The following DOCK9 variants were observed in gnomAD, a reference collection of about 807,000 sequenced individuals.
DOCK9 encodes dedicator of cytokinesis 9.
Under a neutral mutation model 263.3 loss-of-function variants are expected in DOCK9, and 89 were observed. That is an observed-to-expected ratio of 0.34 (90% CI 0.28 to 0.40). DOCK9 has a LOEUF of 0.40. Among genes scored for constraint, DOCK9 ranks in the 10% least tolerant of loss-of-function variants. The probability of loss-of-function intolerance (pLI) is 1.00; values close to 1 mark genes in which losing one functional copy is unlikely to be tolerated. For synonymous variants in DOCK9, 976 were observed against 973.1 expected (o/e 1.00, Z -0.06); for missense variants, 2,140 against 2,603.4 (o/e 0.82, Z 3.87).
At chr13:98,971,178 A>T (rs2059692657) in intron 1 of DOCK9, among the ~76,000 whole-genome samples, 1 of 152,148 alleles carries the variant, frequency 6.6e-6, no homozygotes, top group South Asian at 2.1e-4. Flanking sequence ...TGATCTGCAG[A>T]GATTGAGAGG....
intron 13 of DOCK9, 102 bp from the exon 14 acceptor site, chr13:98,898,363 A>G (rs902941844): frequency 1.2e-6 from 1 of 801,736 alleles, no homozygotes; most frequent in Non-Finnish European, 2.1e-6. Flanking sequence ...TCCTTACCAT[A>G]GCATTGGATG....
At chr13:98,797,050 T>C (rs2089506303) in intron 52 of DOCK9, 65 bp downstream of exon 52, 1 of 1,585,916 alleles carries the variant, frequency 6.3e-7, no homozygotes, top group Admixed American at 1.7e-5. Context: ...GCCTAAGTCA[T>C]GATAGGGTGT....
At chr13:98,849,463 C>G (rs1304532958) in intron 36 of DOCK9, among the ~76,000 whole-genome samples, 1 of 149,940 alleles carries the variant, frequency 6.7e-6, no homozygotes, top group East Asian at 1.9e-4. Context: ...TAGAGAGATG[C>G]TGCTGGGATG....
chr13:99,072,924 G>A (rs769196316), intron 1 of DOCK9, among the ~76,000 whole-genome samples: 3 of 152,098 alleles, frequency 2.0e-5, no homozygotes, highest in Non-Finnish European at 4.4e-5. Context: ...GCTTGAGCCC[G>A]GGAGGTCAAG....
At chr13:98,868,948 G>A (rs2094120112) in intron 27 of DOCK9, among the ~76,000 whole-genome samples, 1 of 152,192 alleles carries the variant, frequency 6.6e-6, no homozygotes, top group Non-Finnish European at 1.5e-5. Flanking sequence ...TGGAGCTTCT[G>A]CATCCATTCC....
chr13:98,902,640 G>T (rs373645516), intron 11 of DOCK9, 149 bp from the exon 12 acceptor site: 3 of 760,750 alleles, frequency 3.9e-6, no homozygotes, highest in East Asian at 2.7e-5. Context: ...CAGAGAATTA[G>T]CTTATAAAAC....
At chr13:98,845,240 A>G in intron 38 of DOCK9, 1 of 929,114 alleles carries the variant, frequency 1.1e-6, no homozygotes, top group Admixed American at 3.0e-5. Context: ...AGAAAGCCCC[A>G]AAGTTAGGAA....
At chr13:98,965,148 G>A (rs1567117394) in intron 1 of DOCK9, among the ~76,000 whole-genome samples, 1 of 152,114 alleles carries the variant, frequency 6.6e-6, no homozygotes, top group East Asian at 1.9e-4. Context: ...CAGTAAGAAG[G>A]GCCCTCAGGA....
intron 49 of DOCK9, among the ~76,000 whole-genome samples, chr13:98,804,651 G>C (rs138261673): frequency 0.013 from 1,907 of 152,314 alleles, 17 homozygotes; most frequent in Non-Finnish European, 0.019. Context: ...CGGAGACCCA[G>C]GACTGGGTGT....
At chr13:99,021,082 T>C (rs1886033855) in intron 1 of DOCK9, among the ~76,000 whole-genome samples, 1 of 152,258 alleles carries the variant, frequency 6.6e-6, no homozygotes, top group Non-Finnish European at 1.5e-5. Context: ...GGTCTCTCAA[T>C]GCCTCGTTCC....
Position 98,896,495 on chromosome 13 carries a change from A to C in DOCK9, c.1709+993T>G, listed in dbSNP as rs554915701. On this transcript the variant is annotated intron_variant, in intron 15 of 52. Coordinates refer to ENST00000682017, the MANE Select transcript of DOCK9 (RefSeq NM_001366683.2). ...ATTGCTATTTTGATATGCACAAAAA[A>C]AAAAAAAAACAAGGATACCTTTGGC... 9.9e-5 allele frequency among the ~76,000 whole-genome samples: 15 copies of C among 151,068 alleles called. No homozygotes were observed. In the South Asian group the frequency reaches 1.1e-3, roughly 11 times the overall value.
At chr13:98,963,195 A>G (rs1002002854) in intron 1 of DOCK9, among the ~76,000 whole-genome samples, 1 of 151,992 alleles carries the variant, frequency 6.6e-6, no homozygotes, top group African/African-American at 2.4e-5. Context: ...AGAAAGCAGG[A>G]CCCCAAAAGG....
chr13:99,032,011 T>C (rs1285168104), intron 1 of DOCK9, among the ~76,000 whole-genome samples: 2 of 152,200 alleles, frequency 1.3e-5, no homozygotes, highest in African/African-American at 4.8e-5. Flanking sequence ...TTAAATATAT[T>C]ATGTAACCAA....
intron 1 of DOCK9, among the ~76,000 whole-genome samples, chr13:98,985,385 T>C (rs1378421968): frequency 1.3e-5 from 2 of 151,954 alleles, no homozygotes; most frequent in Non-Finnish European, 2.9e-5. Context: ...TCTTATTTAA[T>C]GTCTGTCTAA....
At chr13:98,996,659 T>A (rs1230232156) in intron 1 of DOCK9, among the ~76,000 whole-genome samples, 1 of 152,212 alleles carries the variant, frequency 6.6e-6, no homozygotes, top group Non-Finnish European at 1.5e-5. Context: ...ACTTTCACTT[T>A]CTTAAAACAT....
chr13:98,827,682 T>C (rs532329036), intron 43 of DOCK9, among the ~76,000 whole-genome samples: 101 of 152,014 alleles, frequency 6.6e-4, no homozygotes, highest in African/African-American at 2.4e-3. Context: ...TGTTGGAGAG[T>C]GGAGTTATGT....
chr13:99,053,572 T>C (rs992350350), intron 1 of DOCK9, among the ~76,000 whole-genome samples: 2 of 152,218 alleles, frequency 1.3e-5, no homozygotes, highest in Admixed American at 6.5e-5. Flanking sequence ...TTAAAGCCAA[T>C]GGTAAGAACT....
intron 15 of DOCK9, among the ~76,000 whole-genome samples, chr13:98,896,074 AG>A (rs2047380341): frequency 6.6e-6 from 1 of 152,198 alleles, no homozygotes; most frequent in Non-Finnish European, 1.5e-5. Context: ...AAATCAGCCC[AG>A]CGGGCATGCA....
rs745648115 is a variant in DOCK9, at chr13:98,867,041, CA to C, written c.3286+383del. ...TTTAGAGGAGGAAAATGCAAGAAAG[CA>C]AGCGTCATACCCCACACCTACCTAC... On this transcript the variant is annotated intron_variant, in intron 30 of 52. Coordinates refer to ENST00000682017, the MANE Select transcript of DOCK9 (RefSeq NM_001366683.2). The C allele has an allele frequency of 1.4e-4, 60 of 420,406 alleles. 1 individual carries two copies. Among genetic ancestry groups the C allele is most frequent in the South Asian group, 1.0e-3 (57 of 55,966 alleles). The allele number at this position is 420,406 out of a possible 1,614,324, so 26.0% of individuals were successfully genotyped here. A position where few individuals can be genotyped will look rare whatever the true frequency, so the allele number is the denominator to read the frequency against.
Sources: allele counts gnomAD v4.1 joint callset (sites outside exome capture counted in the v4.1 genomes callset), GRCh38; gene constraint gnomAD v4.1.1; transcripts MANE v1.5; gene names NCBI Gene and HGNC (gene_info 2026-07-23, HGNC 2026-07-21).